Variants in PIEZO2 observed in about 807,000 individuals in gnomAD.
The protein encoded by PIEZO2 is piezo-type mechanosensitive ion channel component 2.
PIEZO2 carries 172 observed loss-of-function variants against 337.3 expected under a neutral mutation model. The observed-to-expected ratio is 0.51, with a 90% CI of 0.45 to 0.58. The LOEUF (loss-of-function observed/expected upper bound fraction) is 0.58. Ranked by LOEUF, PIEZO2 falls within the 20% of genes least tolerant of loss-of-function variation. PIEZO2 has a pLI of 0.00. For missense variants in PIEZO2, 3,028 were observed against 3,391.3 expected (o/e 0.89, Z 2.66); for synonymous variants, 1,251 against 1,228.5 (o/e 1.02, Z -0.38).
chr18:10,922,572 G>A (rs114637033), intron 3 of PIEZO2, among the ~76,000 whole-genome samples: 1,594 of 152,104 alleles, frequency 0.01, 39 homozygotes, highest in African/African-American at 0.036. Context: ...GTAGCTGAGC[G>A]AGGAGAAGAC....
chr18:10,832,801 G>C (rs898287336), intron 7 of PIEZO2, among the ~76,000 whole-genome samples: 1 of 152,130 alleles, frequency 6.6e-6, no homozygotes, highest in Admixed American at 6.5e-5. Flanking sequence ...TCTCAGACCC[G>C]GGCCATGGAC....
rs957016601 is a variant in PIEZO2, at chr18:10,888,878, A to G, written c.330-17463T>C. 4.6e-5 allele frequency among the ~76,000 whole-genome samples: 7 copies of G among 151,330 alleles called. No individual in the cohort carries two copies. Among genetic ancestry groups the G allele is most frequent in the African/African-American group, 1.7e-4 (7 of 41,144 alleles). On this transcript the variant is annotated intron_variant, in intron 4 of 55. Transcript: ENST00000674853. This position sits in a 1 kb window ranked among gnomAD's most constrained non-coding sequence, Gnocchi z 4.1. ...TTCTCATACAGGGTACACTTCCACC[A>G]ACACCTCCATGCAACCCCTCTCCCT...
chr18:10,691,965 T>C (rs1361963167), intron 47 of PIEZO2, among the ~76,000 whole-genome samples: 1 of 151,782 alleles, frequency 6.6e-6, no homozygotes, highest in Non-Finnish European at 1.5e-5. Flanking sequence ...ATGGGGTTTG[T>C]TTCCCAAGCC....
rs1172254778 is a variant in PIEZO2 at position 10,819,957 on chromosome 18, G to GT, written c.918-12684dup. On this transcript the variant is annotated intron_variant, in intron 7 of 55. Transcript: ENST00000674853. The surrounding 1 kb of genome is among the most constrained non-coding windows in gnomAD (Gnocchi z 4.3). ...TCAGATACAGAATTATAGGTTCATA[G>GT]TTTTTTTCCCTTTGAGAAGCAACTT... Among the ~76,000 whole-genome samples the GT allele has an allele frequency of 6.6e-6, 1 of 152,032 alleles. No individual in the cohort carries two copies. Among genetic ancestry groups the GT allele is most frequent in the Admixed American group, 6.6e-5 (1 of 15,258 alleles).
chr18:10,996,228 C>A (rs924906642), intron 2 of PIEZO2, among the ~76,000 whole-genome samples: 2 of 152,132 alleles, frequency 1.3e-5, no homozygotes, highest in African/African-American at 4.8e-5. Flanking sequence ...GAGAACAAGA[C>A]CCTCAGAGAC....
chr18:10,790,575 A>T (rs1448526127), intron 14 of PIEZO2, among the ~76,000 whole-genome samples: 1 of 152,206 alleles, frequency 6.6e-6, no homozygotes, highest in Non-Finnish European at 1.5e-5. Context: ...GAAGTTTTAA[A>T]TGTGAAAGAT....
intron 4 of PIEZO2, among the ~76,000 whole-genome samples, chr18:10,886,364 ATATATGTGTGTGTG>A (rs2042588258): frequency 1.0e-4 from 1 of 9,720 alleles, no homozygotes; most frequent in African/African-American, 6.3e-4. Flanking sequence ...ACACACACAT[ATATATGTGTGTGTG>A]TGTATATATA....
In PIEZO2 at chr18:11,148,418, C is replaced by G. The variant is rs771108050; in HGVS notation, c.64+107G>C. On this transcript the variant is annotated intron_variant, in intron 1 of 55. Coordinates refer to ENST00000674853, the MANE Select transcript of PIEZO2 (RefSeq NM_001378183.1). The surrounding 1 kb of genome is among the most constrained non-coding windows in gnomAD (Gnocchi z 5.2). The stretch of plus-strand genomic sequence containing the variant: ...CGCGCGTCTGACGCCGCTGGCCTCC[C>G]GAATCGAACCCCAGAGCACCAGAGC... 7.6e-7 allele frequency: 1 copy of G among 1,311,570 alleles called. No homozygotes were observed. The highest frequency in any genetic ancestry group is 1.1e-6 in the Non-Finnish European group (1 of 951,118). 81.2% of individuals were successfully genotyped at this position (1,311,570 alleles called of 1,614,324 possible). A position where few individuals can be genotyped will look rare whatever the true frequency, so the allele number is the denominator to read the frequency against.
intron 2 of PIEZO2, among the ~76,000 whole-genome samples, chr18:11,039,769 C>G (rs2037050877): frequency 6.9e-6 from 1 of 144,920 alleles, no homozygotes. Context: ...CACACACACA[C>G]ACACACAAAA....
chr18:11,007,991 G>A (rs1332187576), intron 2 of PIEZO2, among the ~76,000 whole-genome samples: 1 of 152,168 alleles, frequency 6.6e-6, no homozygotes, highest in Non-Finnish European at 1.5e-5. Context: ...GTCAGGCAGA[G>A]TCCTACTGGC....
At chr18:11,015,976 C>T (rs912078104) in intron 2 of PIEZO2, among the ~76,000 whole-genome samples, 4 of 152,128 alleles carry the variant, frequency 2.6e-5, no homozygotes, top group African/African-American at 4.8e-5. Context: ...ATCAACTGCA[C>T]GTTAGTGAGA....
At chr18:10,782,295 TTA>T (rs2039022646) in intron 17 of PIEZO2, among the ~76,000 whole-genome samples, 1 of 112,590 alleles carries the variant, frequency 8.9e-6, no homozygotes, top group South Asian at 2.4e-4. Context: ...ATAATTATAA[TTA>T]TATATAAATA....
At chr18:11,007,789 GAAAA>G (rs1201692474) in intron 2 of PIEZO2, among the ~76,000 whole-genome samples, 21 of 152,208 alleles carry the variant, frequency 1.4e-4, no homozygotes, top group African/African-American at 4.8e-4. Context: ...ACTATCCTTT[GAAAA>G]TGAAGGCAAA....
chr18:10,971,236 A>C (rs1220693362), intron 3 of PIEZO2, among the ~76,000 whole-genome samples: 1 of 152,214 alleles, frequency 6.6e-6, no homozygotes, highest in African/African-American at 2.4e-5. Context: ...AATGGATTAG[A>C]CTACCTATGT....
At position 10,704,397 on chromosome 18, in the gene PIEZO2, A is replaced by G; in HGVS notation, c.6255T>C (p.Thr2085=). ...AGGGGTCTGCGTCCAGGCCTACCTC[A>G]GTATAGACGATGGCCATCATCCAGA... The part of the protein sequence containing the change: ...RRFWMMAIVY[T]EVAIVVKYFF... Residue 2085 remains threonine, a synonymous_variant, in exon 42 of 56, where the codon ACT becomes ACC. Transcript: ENST00000674853. The G allele has an allele frequency of 2.0e-6, 3 of 1,537,122 alleles. No homozygotes were observed. Among genetic ancestry groups the G allele is most frequent in the Non-Finnish European group, 2.6e-6 (3 of 1,146,888 alleles).
intron 31 of PIEZO2, among the ~76,000 whole-genome samples, chr18:10,743,008 C>T (rs1241244706): frequency 6.6e-6 from 1 of 152,042 alleles, no homozygotes; most frequent in African/African-American, 2.4e-5. Context: ...GATTCTTAAA[C>T]AAATGGAAAG....
chr18:10,979,001 A>G lies in PIEZO2; in HGVS notation c.286+534T>C, dbSNP rs1249369535. On this transcript the variant is annotated intron_variant, in intron 3 of 55. Coordinates refer to ENST00000674853, the MANE Select transcript of PIEZO2 (RefSeq NM_001378183.1). The surrounding 1 kb of genome is among the most constrained non-coding windows in gnomAD (Gnocchi z 4.0). ...CTTCAAAATATAAGGGGCTTAAGAGATACTGTTTCCCTATAAATACTAATA... is the reference window on the plus strand; with the variant it reads ...CTTCAAAATATAAGGGGCTTAAGAGGTACTGTTTCCCTATAAATACTAATA... Among the ~76,000 whole-genome samples, 2 of 152,148 alleles carry G rather than the reference A, an allele frequency of 1.3e-5. No homozygotes were observed. Among genetic ancestry groups the G allele is most frequent in the African/African-American group, 4.8e-5 (2 of 41,430 alleles).
At chr18:11,124,585 T>C (rs540569616) in intron 1 of PIEZO2, among the ~76,000 whole-genome samples, 1 of 152,302 alleles carries the variant, frequency 6.6e-6, no homozygotes, top group South Asian at 2.1e-4. Context: ...TGATGGAGAC[T>C]TGGGGAGCAC....
chr18:10,979,503 A>C lies in PIEZO2; in HGVS notation c.286+32T>G, dbSNP rs2034583210. ...TGCACGTATATAAAAGAAATAAAAG[A>C]AAACAATAAAAGAAAACACCATAAT... On this transcript the variant is annotated intron_variant, in intron 3 of 55. Coordinates refer to ENST00000674853, the MANE Select transcript of PIEZO2 (RefSeq NM_001378183.1). This position sits in a 1 kb window ranked among gnomAD's most constrained non-coding sequence, Gnocchi z 4.0. The C allele has an allele frequency of 1.4e-6, 2 of 1,443,462 alleles. No homozygotes were observed. Among genetic ancestry groups the C allele is most frequent in the Non-Finnish European group, 1.8e-6 (2 of 1,092,194 alleles). The allele number at this position is 1,443,462 out of a possible 1,614,324, so 89.4% of individuals were successfully genotyped here.
Sources: gnomAD v4.1 joint callset for allele counts (sites outside exome capture counted in the v4.1 genomes callset) on GRCh38, gnomAD v4.1.1 for gene constraint, Gnocchi (gnomAD v3.1) non-coding constraint, MANE v1.5 for transcripts, NCBI Gene and HGNC (gene_info 2026-07-23, HGNC 2026-07-21) for gene names.